Variants in CLDN11 observed in about 807,000 individuals in gnomAD.
CLDN11 encodes the protein claudin-11.
A neutral mutation model predicts 18.0 loss-of-function variants in CLDN11; 1 was observed. The ratio of observed to expected loss-of-function variants is 0.06; its 90% CI spans 0.02 to 0.26. The LOEUF is 0.26. CLDN11 is among the 10% of genes least tolerant of loss of function. The pLI, the probability that CLDN11 is intolerant of heterozygous loss-of-function variation, is 1.00. For synonymous variants in CLDN11, 116 were observed against 121.5 expected (o/e 0.96, Z 0.30); for missense variants, 172 against 276.6 (o/e 0.62, Z 2.68).
At chr3:170,421,367 G>A in intron 1 of CLDN11, 1 of 920,662 alleles carries the variant, frequency 1.1e-6, no homozygotes, top group Non-Finnish European at 1.3e-6. Flanking sequence ...AAGCCGCAGA[G>A]GCGGACGGCT....
intron 2 of CLDN11, among the ~76,000 whole-genome samples, chr3:170,427,457 A>C (rs980681425): frequency 1.3e-5 from 2 of 152,116 alleles, no homozygotes; most frequent in Non-Finnish European, 2.9e-5. Context: ...CCCTGTCTCT[A>C]CTTAAAATAT....
rs921258796 is a variant in CLDN11 at position 170,432,626 on chromosome 3, C to G, written c.494C>G (p.Ala165Gly). The part of the protein sequence containing the change: ...GYSLYAGWIG[A>G]VLCLVGGCVI... ...TCCCTGTATGCAGGCTGGATTGGTG[C>G]TGTGCTGTGCCTCGTGGGTGGCTGT... The change falls in exon 3 of 3, where the codon GCT becomes GGT. Residue 165 changes from alanine (A) to glycine (G), a missense_variant. Around this residue, in one of 3 missense-constraint regions of CLDN11, gnomAD observed 161 missense variants for 240.3 expected, o/e 0.67. Coordinates refer to ENST00000064724, the MANE Select transcript of CLDN11 (RefSeq NM_005602.6). 1 of 1,614,184 alleles carries G rather than the reference C, an allele frequency of 6.2e-7. No homozygotes were observed. Among genetic ancestry groups the G allele is most frequent in the Non-Finnish European group, 8.5e-7 (1 of 1,180,046 alleles).
In CLDN11 at chr3:170,433,841, A is replaced by G. The variant is rs956598275; in HGVS notation, c.*1085A>G. The G allele has an allele frequency of 4.6e-5, 7 of 152,642 alleles. No individual in the cohort carries two copies. Among genetic ancestry groups the G allele is most frequent in the Non-Finnish European group, 7.3e-5 (5 of 68,042 alleles). The allele number at this position is 152,642 out of a possible 1,614,324, so 9.5% of individuals were successfully genotyped here. A position where few individuals can be genotyped will look rare whatever the true frequency, so the allele number is the denominator to read the frequency against. ...ACATTTTTGATTTCAGGTTTGTATG[A>G]TGTAGTTTTTAATCGTACATTTTCA... is the stretch of plus-strand genomic sequence containing the variant. On this transcript the variant is annotated 3_prime_UTR_variant, in exon 3 of 3. Coordinates refer to ENST00000064724, the MANE Select transcript of CLDN11 (RefSeq NM_005602.6).
intron 1 of CLDN11, among the ~76,000 whole-genome samples, chr3:170,421,690 GACCCCCCCC>G (rs1738728540): frequency 6.6e-6 from 1 of 152,132 alleles, no homozygotes; most frequent in East Asian, 1.9e-4. Flanking sequence ...TAATAAATGT[GACCCCCCCC>G]ACCTTTTTTA....
Position 170,419,300 on chromosome 3 carries a change from C to T in CLDN11, c.226+8C>T, listed in dbSNP as rs1358922917. 5 of 1,539,958 alleles carry T rather than the reference C, an allele frequency of 3.2e-6. No homozygotes were observed. The South Asian group carries it at 6.0e-5, about 18-fold the overall frequency. On this transcript the variant is annotated splice_region_variant and intron_variant, in intron 1 of 2. Transcript: ENST00000064724. This position sits in a 1 kb window ranked among gnomAD's most constrained non-coding sequence, Gnocchi z 8.6. The stretch of plus-strand genomic sequence containing the variant: ...ACATCCTCATCCTGCCGGGTAAGGA[C>T]CCGAGCTTGGCGGCGGCTCCCAAAT...
intron 2 of CLDN11, among the ~76,000 whole-genome samples, chr3:170,425,894 G>A (rs1738841319): frequency 6.6e-6 from 1 of 152,194 alleles, no homozygotes; most frequent in African/African-American, 2.4e-5. Context: ...TCTCAAGCAT[G>A]GCACCTGCTG....
chr3:170,428,838 A>T (rs115400720), intron 2 of CLDN11, among the ~76,000 whole-genome samples: 5,133 of 152,326 alleles, frequency 0.034, 121 homozygotes, highest in Non-Finnish European at 0.046. Flanking sequence ...TAAAAAGAAA[A>T]AGAACAAAAA....
chr3:170,421,545 G>A (rs1456180515), intron 1 of CLDN11, among the ~76,000 whole-genome samples: 1 of 152,234 alleles, frequency 6.6e-6, no homozygotes, highest in Non-Finnish European at 1.5e-5. Flanking sequence ...CTAAGAGACA[G>A]CGTTGAAGTT....
chr3:170,429,600 C>A (rs1738947664), intron 2 of CLDN11, among the ~76,000 whole-genome samples: 1 of 152,074 alleles, frequency 6.6e-6, no homozygotes, highest in African/African-American at 2.4e-5. Flanking sequence ...CTGATTTTTC[C>A]CTTTTTCTAA....
intron 1 of CLDN11, among the ~76,000 whole-genome samples, chr3:170,421,679 G>A (rs140054239): frequency 0.014 from 2,136 of 152,166 alleles, 13 homozygotes; most frequent in Admixed American, 0.028. Context: ...AAAAGGGAGG[G>A]TAATAAATGT....
Position 170,419,353 on chromosome 3 carries a change from A to G in CLDN11, c.226+61A>G. ...TTATCCTCTGGGTAGAGAGCGGGAT[A>G]TTAGACGGCGTCACAGAGACATTTT... On this transcript the variant is annotated intron_variant, in intron 1 of 2. Coordinates refer to ENST00000064724, the MANE Select transcript of CLDN11 (RefSeq NM_005602.6). This position sits in a 1 kb window ranked among gnomAD's most constrained non-coding sequence, Gnocchi z 8.6. 4.8e-6 allele frequency: 6 copies of G among 1,262,684 alleles called. No homozygotes were observed. Among genetic ancestry groups the G allele is most frequent in the Non-Finnish European group, 6.6e-6 (6 of 904,224 alleles). 78.2% of individuals were successfully genotyped at this position (1,262,684 alleles called of 1,614,324 possible). A position where few individuals can be genotyped will look rare whatever the true frequency, so the allele number is the denominator to read the frequency against.
In CLDN11 at chr3:170,434,152, A is replaced by G. The variant is rs996971163; in HGVS notation, c.*1396A>G. ...GAGGTATCATTATTGATTTAAAAAA[A>G]TCTCATTAATCTCTACTGGTAATTT... is the stretch of plus-strand genomic sequence containing the variant. On this transcript the variant is annotated 3_prime_UTR_variant, in exon 3 of 3. Coordinates refer to ENST00000064724, the MANE Select transcript of CLDN11 (RefSeq NM_005602.6). 1 of 152,640 alleles carries G rather than the reference A, an allele frequency of 6.6e-6. No individual in the cohort carries two copies. The highest frequency in any genetic ancestry group is 1.9e-4 in the East Asian group (1 of 5,204). The allele number at this position is 152,640 out of a possible 1,614,324, so 9.5% of individuals were successfully genotyped here.
intron 2 of CLDN11, among the ~76,000 whole-genome samples, chr3:170,426,154 C>T (rs1227585773): frequency 3.3e-5 from 5 of 152,340 alleles, no homozygotes; most frequent in East Asian, 3.9e-4. Context: ...GAACTGGACA[C>T]AGTGTCACAG....
chr3:170,423,717 T>C (rs537686919), intron 2 of CLDN11: 1 of 186,058 alleles, frequency 5.4e-6, no homozygotes, highest in Admixed American at 5.3e-5. Context: ...CAAAGATATT[T>C]TTTGAAAGCT....
At position 170,434,633 on chromosome 3, in the gene CLDN11, T is replaced by C. The variant is rs1739089837; in HGVS notation, c.*1877T>C. 6.6e-6 allele frequency among the ~76,000 whole-genome samples: 1 copy of C among 152,224 alleles called. No homozygotes were observed. Among genetic ancestry groups the C allele is most frequent in the Non-Finnish European group, 1.5e-5 (1 of 68,038 alleles). ...ACGGGCCTGGTCTAAGAAAACACATTGCAATCTATTTTGGCAGACTTCTTT... is the reference window on the plus strand; with the variant it reads ...ACGGGCCTGGTCTAAGAAAACACATCGCAATCTATTTTGGCAGACTTCTTT... On this transcript the variant is annotated 3_prime_UTR_variant, in exon 3 of 3. Coordinates refer to ENST00000064724, the MANE Select transcript of CLDN11 (RefSeq NM_005602.6).
At chr3:170,421,363 C>A (rs1738719899) in intron 1 of CLDN11, 2 of 926,658 alleles carry the variant, frequency 2.2e-6, no homozygotes, top group Non-Finnish European at 2.6e-6. Context: ...CTACAAGCCG[C>A]AGAGGCGGAC....
At chr3:170,432,325 T>A (rs1008656348) in intron 2 of CLDN11, among the ~76,000 whole-genome samples, 199 bp from the exon 3 acceptor site, 1 of 152,174 alleles carries the variant, frequency 6.6e-6, no homozygotes, top group Non-Finnish European at 1.5e-5. Context: ...CTGAAAAAAA[T>A]AAGGACCCAG....
intron 2 of CLDN11, among the ~76,000 whole-genome samples, chr3:170,424,755 G>T (rs192101643): frequency 1.3e-5 from 2 of 152,284 alleles, no homozygotes; most frequent in African/African-American, 4.8e-5. Context: ...AGGATAAGGG[G>T]TCAGGGTTCT....
intron 2 of CLDN11, among the ~76,000 whole-genome samples, chr3:170,424,131 G>A (rs974633400): frequency 2.6e-5 from 4 of 152,180 alleles, no homozygotes; most frequent in African/African-American, 9.7e-5. Flanking sequence ...ACCAGGTGAT[G>A]GCTCCGTCCT....
Sources: gnomAD v4.1 joint callset for allele counts (sites outside exome capture counted in the v4.1 genomes callset) on GRCh38, gnomAD v4.1.1 for gene constraint, gnomAD v4.1.1 regional missense constraint, Gnocchi (gnomAD v3.1) non-coding constraint, MANE v1.5 for transcripts, NCBI Gene and HGNC (gene_info 2026-07-23, HGNC 2026-07-21) for gene names.